Variants in MPPED1 observed in about 807,000 individuals in gnomAD.
The protein encoded by MPPED1 is metallophosphoesterase domain containing 1.
A neutral mutation model predicts 36.2 loss-of-function variants in MPPED1; 16 were observed. The observed-to-expected ratio is 0.44, with a 90% CI of 0.30 to 0.67. The LOEUF (loss-of-function observed/expected upper bound fraction) is 0.67. Among genes scored for constraint, MPPED1 ranks in the 30% least tolerant of loss-of-function variants. The pLI, the probability that MPPED1 is intolerant of heterozygous loss-of-function variation, is 0.10. For synonymous variants in MPPED1, 199 were observed against 191.3 expected, an observed-to-expected ratio of 1.04 and a Z score of -0.33; for missense variants, 307 against 453.4, an observed-to-expected ratio of 0.68 and a Z score of 2.93.
At chr22:43,477,419 G>A (rs536359887) in intron 4 of MPPED1, among the ~76,000 whole-genome samples, 2 of 152,178 alleles carry the variant, frequency 1.3e-5, no homozygotes, top group Non-Finnish European at 2.9e-5. Flanking sequence ...GATTGCCTGC[G>A]TCTGCTGCTG....
At position 43,502,734 on chromosome 22, in the gene MPPED1, A is replaced by G; in HGVS notation, c.839A>G (p.His280Arg). ...CAGAGGCGCGTCCAGCCGCGGTTAC[A>G]TGTCTTTGGCCACATCCACGAAGGT... ...TVQRRVQPRLHVFGHIHEGYG... is the reference protein window; with the variant it reads ...TVQRRVQPRLRVFGHIHEGYG... The change falls in exon 6 of 7, where the codon CAT (histidine) becomes CGT (arginine). Residue 280 changes from histidine to arginine, a missense_variant. This residue lies in a region of MPPED1 where 132 missense variants were observed against 212.3 expected (regional missense o/e 0.62). Coordinates refer to ENST00000443721, the MANE Select transcript of MPPED1 (RefSeq NM_001044370.2). The surrounding 1 kb of genome is among the most constrained non-coding windows in gnomAD (Gnocchi z 5.5). 1 of 1,613,286 alleles carries G rather than the reference A, an allele frequency of 6.2e-7. No individual in the cohort carries two copies. Among genetic ancestry groups the G allele is most frequent in the Non-Finnish European group, 8.5e-7 (1 of 1,179,852 alleles).
rs984378525 is a variant in MPPED1 at position 43,502,325 on chromosome 22, G to A, written c.749-319G>A. 6.6e-6 allele frequency among the ~76,000 whole-genome samples: 1 copy of A among 152,116 alleles called. No individual in the cohort carries two copies. Among genetic ancestry groups the A allele is most frequent in the Non-Finnish European group, 1.5e-5 (1 of 68,024 alleles). On this transcript the variant is annotated intron_variant, in intron 5 of 6. Coordinates refer to ENST00000443721, the MANE Select transcript of MPPED1 (RefSeq NM_001044370.2). This position sits in a 1 kb window ranked among gnomAD's most constrained non-coding sequence, Gnocchi z 5.5. The stretch of plus-strand genomic sequence containing the variant: ...GCGGATGCCACCCTTGAGGCCACTC[G>A]AGCACAGATGGTCTGGGGGGCGCCA...
At chr22:43,440,166 C>G (rs1302286050) in intron 3 of MPPED1, among the ~76,000 whole-genome samples, 1 of 152,260 alleles carries the variant, frequency 6.6e-6, no homozygotes, top group Non-Finnish European at 1.5e-5. Context: ...GTGACCCCAG[C>G]AGGGCAGGGC....
intron 2 of MPPED1, among the ~76,000 whole-genome samples, chr22:43,434,425 C>G (rs1452342406): frequency 1.3e-5 from 2 of 152,188 alleles, no homozygotes; most frequent in Non-Finnish European, 2.9e-5. Flanking sequence ...CTGCACAGCC[C>G]GGGCAGTTGT....
intron 1 of MPPED1, among the ~76,000 whole-genome samples, chr22:43,415,052 C>T (rs972300702): frequency 2.0e-5 from 3 of 152,012 alleles, no homozygotes. Context: ...GCACTGTTTC[C>T]CACAGCAAGA....
chr22:43,467,257 G>T (rs942011740), intron 3 of MPPED1, among the ~76,000 whole-genome samples: 1 of 152,188 alleles, frequency 6.6e-6, no homozygotes, highest in African/African-American at 2.4e-5. Flanking sequence ...GCCTGCTAAG[G>T]GTGTCTGGAA....
In MPPED1 at chr22:43,502,547, A is replaced by T. The variant is rs779399323; in HGVS notation, c.749-97A>T. 8 of 940,292 alleles carry T rather than the reference A, an allele frequency of 8.5e-6. No homozygotes were observed. Among genetic ancestry groups the T allele is most frequent in the Non-Finnish European group, 1.4e-5 (8 of 591,518 alleles). The allele number at this position is 940,292 out of a possible 1,614,324, so 58.2% of individuals were successfully genotyped here. A position where few individuals can be genotyped will look rare whatever the true frequency, so the allele number is the denominator to read the frequency against. ...TGCAAAGCCGGAGTCCGGAAGCCCC[A>T]TGCCTTCTCCAGGCTGCAGAAGCTG... is the stretch of plus-strand genomic sequence containing the variant. On this transcript the variant is annotated intron_variant, in intron 5 of 6. Transcript: ENST00000443721. The surrounding 1 kb of genome is among the most constrained non-coding windows in gnomAD (Gnocchi z 5.5).
rs1480549521 is a variant in MPPED1, at chr22:43,463,819, C to CTTT, written c.407-10916_407-10914dup. On this transcript the variant is annotated intron_variant, in intron 3 of 6. Transcript: ENST00000443721. ...TTTTCATTTTTTCTTTTCTTTCTTT[C>CTTT]TTTCTTTCTTTCTTTCTTTCTTTCT... Among the ~76,000 whole-genome samples, 262 of 83,506 alleles carry CTTT rather than the reference C, an allele frequency of 3.1e-3. 10 individuals are homozygous for CTTT. The highest frequency in any genetic ancestry group is 6.2e-3 in the Middle Eastern group (1 of 162). The allele number at this position is 83,506 out of a possible 152,430, so 54.8% of individuals were successfully genotyped here.
Position 43,435,231 on chromosome 22 carries a change from C to T in MPPED1, c.406+16C>T. 5 of 1,595,992 alleles carry T rather than the reference C, an allele frequency of 3.1e-6. No individual in the cohort carries two copies. The highest frequency in any genetic ancestry group is 4.2e-6 in the Non-Finnish European group (5 of 1,176,576). ...GAGTGGCTGGGTAGGTCCCTCCTGC[C>T]CCGGGCGGGCGGCTGTGCTGAGCAG... On this transcript the variant is annotated intron_variant, in intron 3 of 6. Transcript: ENST00000443721.
intron 3 of MPPED1, among the ~76,000 whole-genome samples, chr22:43,447,812 T>C (rs992872387): frequency 7.0e-6 from 1 of 142,762 alleles, no homozygotes; most frequent in Admixed American, 7.2e-5. Context: ...TATATATATA[T>C]ATTTATATTT....
At chr22:43,504,547 G>A (rs190912800) in intron 6 of MPPED1, among the ~76,000 whole-genome samples, 3,488 of 151,536 alleles carry the variant, frequency 0.023, 60 homozygotes, top group Middle Eastern at 0.073. Context: ...TGATGTTGGT[G>A]GTGATAGCAA....
intron 3 of MPPED1, among the ~76,000 whole-genome samples, chr22:43,443,405 A>G: frequency 6.6e-6 from 1 of 152,046 alleles, no homozygotes; most frequent in East Asian, 1.9e-4. Flanking sequence ...GTACCAGGAG[A>G]GGCTGGTGCA....
At chr22:43,412,717 T>C (rs1928948920) in intron 1 of MPPED1, among the ~76,000 whole-genome samples, 1 of 143,686 alleles carries the variant, frequency 7.0e-6, no homozygotes, top group Admixed American at 6.8e-5. Flanking sequence ...ACTCAACACA[T>C]ATTTATTCCT....
At chr22:43,503,006 T>C (rs1373737990) in intron 6 of MPPED1, among the ~76,000 whole-genome samples, 2 of 152,198 alleles carry the variant, frequency 1.3e-5, no homozygotes, top group African/African-American at 4.8e-5. Flanking sequence ...GCCCTGCAAC[T>C]CTGCTGTGCC....
chr22:43,447,302 G>C (rs1057206888), intron 3 of MPPED1, among the ~76,000 whole-genome samples: 1 of 152,304 alleles, frequency 6.6e-6, no homozygotes, highest in African/African-American at 2.4e-5. Flanking sequence ...ATGGAGAGAG[G>C]TGTTTGGATA....
chr22:43,505,745 A>T lies in MPPED1; in HGVS notation c.*129A>T. ...CGGGGACTGGCCTAGCAGGCAGGTC[A>T]GGGCCTTGGAACGACTCTTTAGCCT... On this transcript the variant is annotated 3_prime_UTR_variant, in exon 7 of 7. Coordinates refer to ENST00000443721, the MANE Select transcript of MPPED1 (RefSeq NM_001044370.2). 2 of 727,214 alleles carry T rather than the reference A, an allele frequency of 2.8e-6. No individual in the cohort carries two copies. The highest frequency in any genetic ancestry group is 4.6e-6 in the Non-Finnish European group (2 of 432,974). 45.0% of individuals were successfully genotyped at this position (727,214 alleles called of 1,614,324 possible).
intron 2 of MPPED1, among the ~76,000 whole-genome samples, chr22:43,432,818 G>A (rs200369920): frequency 3.4e-5 from 5 of 147,414 alleles, no homozygotes; most frequent in African/African-American, 7.6e-5. Context: ...GGAGGAGAGA[G>A]AGAGAAAGGG....
At chr22:43,488,334 G>A (rs1569086216) in intron 4 of MPPED1, among the ~76,000 whole-genome samples, 1 of 152,154 alleles carries the variant, frequency 6.6e-6, no homozygotes, top group Non-Finnish European at 1.5e-5. Flanking sequence ...CTGGGGACAC[G>A]ACCTACCCAG....
intron 3 of MPPED1, among the ~76,000 whole-genome samples, chr22:43,466,922 C>T (rs1218187988): frequency 6.6e-6 from 1 of 152,234 alleles, no homozygotes; most frequent in African/African-American, 2.4e-5. Context: ...TGGAGCGTGG[C>T]TTGCGTTTTT....
Sources: gnomAD v4.1 joint callset for allele counts (sites outside exome capture counted in the v4.1 genomes callset) on GRCh38, gnomAD v4.1.1 for gene constraint, gnomAD v4.1.1 regional missense constraint, Gnocchi (gnomAD v3.1) non-coding constraint, MANE v1.5 for transcripts, NCBI Gene and HGNC (gene_info 2026-07-23, HGNC 2026-07-21) for gene names.